The following ARHGAP15 variants were observed in gnomAD, a reference collection of about 807,000 sequenced individuals.
ARHGAP15 encodes the protein rho GTPase-activating protein 15.
ARHGAP15 carries 51 observed loss-of-function variants against 63.7 expected under a neutral mutation model. The ratio of observed to expected loss-of-function variants is 0.80; its 90% CI spans 0.64 to 1.01. The LOEUF (loss-of-function observed/expected upper bound fraction) is 1.01, where lower values mean the gene tolerates loss of function less well. Among genes scored for constraint, ARHGAP15 ranks in the 50% least tolerant of loss-of-function variants. The pLI, the probability that ARHGAP15 is intolerant of heterozygous loss-of-function variation, is 0.00. For synonymous variants in ARHGAP15, 191 were observed against 193.8 expected (o/e 0.99, Z 0.12); for missense variants, 560 against 564.6 (o/e 0.99, Z 0.08).
chr2:143,621,535 T>C (rs1157399561), intron 11 of ARHGAP15, among the ~76,000 whole-genome samples: 2 of 152,156 alleles, frequency 1.3e-5, no homozygotes, highest in South Asian at 2.1e-4. Context: ...GAAAACTTGA[T>C]ATAAAAATTA....
intron 12 of ARHGAP15, among the ~76,000 whole-genome samples, chr2:143,690,023 T>A (rs539509151): frequency 7.9e-5 from 12 of 152,328 alleles, no homozygotes; most frequent in African/African-American, 2.9e-4. Context: ...ATTAACTGTG[T>A]AGGAAAAAGC....
chr2:143,289,042 CT>C (rs1038724452), intron 6 of ARHGAP15, among the ~76,000 whole-genome samples: 1 of 152,012 alleles, frequency 6.6e-6, no homozygotes, highest in African/African-American at 2.4e-5. Flanking sequence ...ACATTCACCC[CT>C]GATGAAGACA....
chr2:143,438,276 T>C (rs1689703312), intron 8 of ARHGAP15, among the ~76,000 whole-genome samples: 1 of 152,116 alleles, frequency 6.6e-6, no homozygotes, highest in Admixed American at 6.5e-5. Flanking sequence ...TACATACACA[T>C]ACACACGTAT....
At chr2:143,654,304 C>A (rs1205128023) in intron 12 of ARHGAP15, among the ~76,000 whole-genome samples, 1 of 152,066 alleles carries the variant, frequency 6.6e-6, no homozygotes, top group Non-Finnish European at 1.5e-5. Context: ...CAGTTTGCTA[C>A]CTATATAAAT....
chr2:143,434,212 A>C (rs6756648), intron 6 of ARHGAP15, among the ~76,000 whole-genome samples: 143,840 of 152,148 alleles, frequency 0.95, 68,062 homozygotes, highest in Non-Finnish European at 0.96. Flanking sequence ...TTTTATTTTT[A>C]AATCTTTCAC....
intron 8 of ARHGAP15, among the ~76,000 whole-genome samples, chr2:143,464,649 A>G (rs948683332): frequency 6.6e-6 from 1 of 152,164 alleles, no homozygotes; most frequent in Non-Finnish European, 1.5e-5. Flanking sequence ...AAATGATGTA[A>G]TCAAGCCGTT....
At chr2:143,249,926 A>G (rs2104975087) in intron 5 of ARHGAP15, among the ~76,000 whole-genome samples, 1 of 152,236 alleles carries the variant, frequency 6.6e-6, no homozygotes, top group South Asian at 2.1e-4. Context: ...GGCATAGTTG[A>G]CACTTAATAA....
chr2:143,401,365 A>G (rs945220669), intron 6 of ARHGAP15, among the ~76,000 whole-genome samples: 5 of 152,028 alleles, frequency 3.3e-5, no homozygotes, highest in Non-Finnish European at 4.4e-5. Context: ...CTCAGCACTC[A>G]AGATGTCCCC....
At chr2:143,639,340 T>C (rs1417499366) in intron 12 of ARHGAP15, among the ~76,000 whole-genome samples, 1 of 152,148 alleles carries the variant, frequency 6.6e-6, no homozygotes, top group Non-Finnish European at 1.5e-5. Context: ...TTTTAATTGC[T>C]TTCTGTATCC....
chr2:143,503,442 C>T (rs1007521837), intron 9 of ARHGAP15, among the ~76,000 whole-genome samples: 10 of 152,170 alleles, frequency 6.6e-5, no homozygotes, highest in Non-Finnish European at 1.3e-4. Flanking sequence ...GGCTCTGCTA[C>T]TTACTTGTTT....
intron 6 of ARHGAP15, among the ~76,000 whole-genome samples, chr2:143,271,554 C>T (rs1468005992): frequency 6.6e-6 from 1 of 152,252 alleles, no homozygotes; most frequent in Non-Finnish European, 1.5e-5. Flanking sequence ...CGTCTCACTG[C>T]AAGCTCCGCT....
chr2:143,682,491 T>C (rs996307287), intron 12 of ARHGAP15, among the ~76,000 whole-genome samples: 5 of 152,184 alleles, frequency 3.3e-5, no homozygotes, highest in Admixed American at 6.6e-5. Flanking sequence ...TATATACATA[T>C]ATACACATAT....
chr2:143,762,809 G>C (rs1686807150), intron 13 of ARHGAP15, among the ~76,000 whole-genome samples: 2 of 152,040 alleles, frequency 1.3e-5, no homozygotes, highest in African/African-American at 4.8e-5. Flanking sequence ...TTTTACTTTG[G>C]AATGCCATTT....
chr2:143,163,456 T>G (rs1000747892), intron 2 of ARHGAP15, among the ~76,000 whole-genome samples: 3 of 151,628 alleles, frequency 2.0e-5, no homozygotes, highest in Non-Finnish European at 4.4e-5. Flanking sequence ...TATGGAGAGA[T>G]GTATTTGTAT....
chr2:143,502,692 G>A (rs756095608), intron 9 of ARHGAP15, among the ~76,000 whole-genome samples: 14 of 151,942 alleles, frequency 9.2e-5, no homozygotes, highest in Non-Finnish European at 1.8e-4. Context: ...CAATTCTCCT[G>A]CCTCAGTCTC....
intron 12 of ARHGAP15, among the ~76,000 whole-genome samples, chr2:143,691,252 T>A (rs1683588257): frequency 6.6e-6 from 1 of 152,160 alleles, no homozygotes; most frequent in African/African-American, 2.4e-5. Flanking sequence ...TGTGAGATTG[T>A]TGACATCTGC....
In ARHGAP15 at chr2:143,606,055, AAAAAAAAAAAAAAAAG is replaced by A. The variant is rs1231141817; in HGVS notation, c.1004-18077_1004-18062del. On this transcript the variant is annotated intron_variant, in intron 11 of 13. Transcript: ENST00000295095. ...TGTCTCAAAAAAAAAAAAAAAAAAA[AAAAAAAAAAAAAAAAG>A]CCATACATCTGTCTCTTTCGCTACC... Among the ~76,000 whole-genome samples, 23 of 135,388 alleles carry A rather than the reference AAAAAAAAAAAAAAAAG, an allele frequency of 1.7e-4. 2 individuals carry two copies. Among genetic ancestry groups the A allele is most frequent in the South Asian group, 4.9e-4 (2 of 4,102 alleles). 88.8% of individuals were successfully genotyped at this position (135,388 alleles called of 152,430 possible).
rs1339261012 is a variant in ARHGAP15 at position 143,543,704 on chromosome 2, A to C, written c.926-12704A>C. Reference sequence around the variant, plus strand: ...ATGCAAATACCCAGATATTTCCACAAGTCTTTCAATGTAGATCTATGTGAC... The same window carrying C: ...ATGCAAATACCCAGATATTTCCACACGTCTTTCAATGTAGATCTATGTGAC... On this transcript the variant is annotated intron_variant, in intron 10 of 13. Transcript: ENST00000295095. Among the ~76,000 whole-genome samples, 4 of 152,142 alleles carry C rather than the reference A, an allele frequency of 2.6e-5. No individual in the cohort carries two copies. In the East Asian group the frequency reaches 7.7e-4, roughly 29 times the overall value.
At chr2:143,199,248 G>A (rs1238577215) in intron 2 of ARHGAP15, among the ~76,000 whole-genome samples, 1 of 152,022 alleles carries the variant, frequency 6.6e-6, no homozygotes, top group African/African-American at 2.4e-5. Flanking sequence ...CTTTCATTTA[G>A]ACGTTAATTG....
Sources: gnomAD v4.1 joint callset for allele counts (sites outside exome capture counted in the v4.1 genomes callset) on GRCh38, gnomAD v4.1.1 for gene constraint, MANE v1.5 for transcripts, NCBI Gene and HGNC (gene_info 2026-07-23, HGNC 2026-07-21) for gene names.